CTH: variants seen among roughly 807,000 people sequenced by gnomAD.
CTH encodes cystathionine gamma-lyase, also known as cystathionase (cystathionine gamma-lyase).
Under a neutral mutation model 50.6 loss-of-function variants are expected in CTH, and 41 were observed. That is an observed-to-expected ratio of 0.81 (90% CI 0.63 to 1.05). The LOEUF is 1.05. CTH is among the 50% of genes least tolerant of loss of function. The probability of loss-of-function intolerance (pLI) is 0.00; values close to 1 mark genes in which losing one functional copy is unlikely to be tolerated. For missense variants in CTH, 470 were observed against 492.6 expected (o/e 0.95, Z 0.43); for synonymous variants, 156 against 168.9 (o/e 0.92, Z 0.59).
intron 5 of CTH, among the ~76,000 whole-genome samples, chr1:70,426,280 CT>C (rs1390476179): frequency 6.6e-6 from 1 of 152,090 alleles, no homozygotes; most frequent in East Asian, 1.9e-4. Flanking sequence ...CTTTCCTTTC[CT>C]TGTTAGGAGA....
intron 3 of CTH, 134 bp downstream of exon 3, chr1:70,418,166 TA>T: frequency 1.9e-6 from 2 of 1,026,054 alleles, no homozygotes; most frequent in Non-Finnish European, 2.9e-6. Context: ...CAGGTACCTC[TA>T]TGCTCTCTCA....
intron 2 of CTH, 103 bp downstream of exon 2, chr1:70,416,140 C>T (rs893673675): frequency 2.6e-6 from 2 of 765,688 alleles, no homozygotes; most frequent in African/African-American, 3.5e-5. Flanking sequence ...TTTGCTAGTT[C>T]AAAATTCCTG....
intron 5 of CTH, among the ~76,000 whole-genome samples, chr1:70,428,210 C>T (rs199848498): frequency 1.3e-5 from 2 of 151,730 alleles, no homozygotes; most frequent in East Asian, 1.9e-4. Flanking sequence ...AATAGAACAG[C>T]GGTTACTAGA....
Position 70,415,945 on chromosome 1 carries a change from GT to G in CTH, c.169-4del. ...AATCTCTTAGGATGAACTCGAACTT[GT>G]TTTTTTCAGGGTTTTGAATATAGCC... On this transcript the variant is annotated splice_polypyrimidine_tract_variant and intron_variant, in intron 1 of 11. Transcript: ENST00000370938. 1.9e-6 allele frequency: 3 copies of G among 1,558,746 alleles called. No homozygotes were observed. The highest frequency in any genetic ancestry group is 2.7e-6 in the Non-Finnish European group (3 of 1,129,698).
chr1:70,419,621 A>T (rs1684168751), intron 3 of CTH, among the ~76,000 whole-genome samples: 1 of 152,230 alleles, frequency 6.6e-6, no homozygotes, highest in Non-Finnish European at 1.5e-5. Flanking sequence ...TAATGGGTGT[A>T]GCACACCAAC....
chr1:70,426,999 C>T (rs1315962442), intron 5 of CTH, among the ~76,000 whole-genome samples: 2 of 152,122 alleles, frequency 1.3e-5, no homozygotes, highest in African/African-American at 4.8e-5. Context: ...CATCACATTC[C>T]GCATGCCAAT....
At chr1:70,438,392 A>G (rs529217482) in intron 10 of CTH, among the ~76,000 whole-genome samples, 31 of 152,304 alleles carry the variant, frequency 2.0e-4, no homozygotes, top group African/African-American at 7.5e-4. Flanking sequence ...CACATTGGGG[A>G]GGCTATGCCT....
chr1:70,418,259 G>A (rs948813656), intron 3 of CTH, among the ~76,000 whole-genome samples: 16 of 152,152 alleles, frequency 1.1e-4, no homozygotes, highest in African/African-American at 3.9e-4. Flanking sequence ...TTATTTATTT[G>A]TTTATTTTTA....
chr1:70,424,170 C>A (rs1684291361), intron 4 of CTH, 115 bp from the exon 5 acceptor site: 4 of 1,575,114 alleles, frequency 2.5e-6, no homozygotes, highest in Non-Finnish European at 3.5e-6. Context: ...CTCCCAACAT[C>A]ATCATCCATG....
chr1:70,432,461 TAGAAAATC>T (rs1684498775), intron 8 of CTH, among the ~76,000 whole-genome samples: 1 of 152,186 alleles, frequency 6.6e-6, no homozygotes, highest in African/African-American at 2.4e-5. Flanking sequence ...GCTTGGATAG[TAGAAAATC>T]AGTTTTATGC....
At chr1:70,434,326 A>G (rs1684547642) in intron 9 of CTH, among the ~76,000 whole-genome samples, 1 of 152,160 alleles carries the variant, frequency 6.6e-6, no homozygotes, top group African/African-American at 2.4e-5. Flanking sequence ...GTGCCTCCTA[A>G]GCTGCATCTG....
rs58815241 is a variant in CTH at position 70,438,840 on chromosome 1, TTG to T, written c.1191+42_1191+43del. ...TTGAAGGCAGCAGTAAGTCTTATTA[TTG>T]TGTGTGTGTGTGTGTGTGTGTGTGT... On this transcript the variant is annotated intron_variant, in intron 11 of 11. Transcript: ENST00000370938. 2,435 of 1,542,346 alleles carry T rather than the reference TTG, an allele frequency of 1.6e-3. No individual in the cohort carries two copies. Among genetic ancestry groups the T allele is most frequent in the Middle Eastern group, 2.6e-3 (15 of 5,780 alleles).
chr1:70,433,720 G>A lies in CTH; in HGVS notation c.878-108G>A, dbSNP rs77549931. Reference sequence around the variant, plus strand: ...CAGATGTGAGCATGGCATAATCCTCGTCTTAGGCTTATTTGCAGTTAAGTA... The same window carrying A: ...CAGATGTGAGCATGGCATAATCCTCATCTTAGGCTTATTTGCAGTTAAGTA... On this transcript the variant is annotated intron_variant, in intron 8 of 11. Transcript: ENST00000370938. 1.5e-3 allele frequency: 2,288 copies of A among 1,514,138 alleles called. 42 individuals are homozygous for A. The African/African-American group carries it at 0.028, about 19-fold the overall frequency. 93.8% of individuals were successfully genotyped at this position (1,514,138 alleles called of 1,614,324 possible). A position where few individuals can be genotyped will look rare whatever the true frequency, so the allele number is the denominator to read the frequency against.
In CTH at chr1:70,424,429, A is replaced by G; in HGVS notation, c.588+13A>G. 6.2e-7 allele frequency: 1 copy of G among 1,613,854 alleles called. No homozygotes were observed. The highest frequency in any genetic ancestry group is 8.5e-7 in the Non-Finnish European group (1 of 1,179,838). ...ACCATATTTCCAGGTAAATGAAAAT[A>G]ATTTTTTTTGGCACAATTAGTAGAC... On this transcript the variant is annotated intron_variant, in intron 5 of 11. Transcript: ENST00000370938.
intron 1 of CTH, among the ~76,000 whole-genome samples, chr1:70,411,996 GTTA>G (rs1169254730): frequency 1.3e-5 from 2 of 152,176 alleles, no homozygotes; most frequent in African/African-American, 4.8e-5. Context: ...TGTATGAATA[GTTA>G]TTGAGTACCT....
At chr1:70,436,980 T>C (rs900318217) in intron 10 of CTH, among the ~76,000 whole-genome samples, 7 of 152,294 alleles carry the variant, frequency 4.6e-5, no homozygotes, top group Middle Eastern at 3.4e-3. Context: ...AGGTCAGGGC[T>C]TGTCTGTTCT....
At chr1:70,436,148 T>TA (rs202014783) in intron 10 of CTH, among the ~76,000 whole-genome samples, 81 of 144,724 alleles carry the variant, frequency 5.6e-4, no homozygotes, top group South Asian at 1.3e-3. Flanking sequence ...CTGTCTCTCC[T>TA]AAAAAAAAAA....
intron 3 of CTH, 110 bp downstream of exon 3, chr1:70,418,142 G>C: frequency 7.5e-7 from 1 of 1,333,232 alleles, no homozygotes; most frequent in Non-Finnish European, 1.1e-6. Context: ...ATTTATTATA[G>C]TTTACAGGTG....
chr1:70,418,364 C>T (rs938222278), intron 3 of CTH, among the ~76,000 whole-genome samples: 8 of 152,044 alleles, frequency 5.3e-5, no homozygotes, highest in Admixed American at 5.2e-4. Flanking sequence ...GTTCTCATGC[C>T]CTAGCCTCCT....
Sources: allele counts gnomAD v4.1 joint callset (sites outside exome capture counted in the v4.1 genomes callset), GRCh38; gene constraint gnomAD v4.1.1; transcripts MANE v1.5; gene names NCBI Gene and HGNC (gene_info 2026-07-23, HGNC 2026-07-21).